The following MYO3B variants were observed in gnomAD, a reference collection of about 807,000 sequenced individuals.
MYO3B encodes myosin IIIB, also known as myosin-IIIb.
MYO3B carries 156 observed loss-of-function variants against 174.6 expected under a neutral mutation model. The observed-to-expected ratio is 0.89, with a 90% CI of 0.78 to 1.02. The LOEUF (loss-of-function observed/expected upper bound fraction) is 1.02, where lower values mean the gene tolerates loss of function less well. Among genes scored for constraint, MYO3B ranks in the 50% least tolerant of loss-of-function variants. The pLI is 0.00. For synonymous variants in MYO3B, 563 were observed against 569.1 expected, an observed-to-expected ratio of 0.99 and a Z score of 0.15; for missense variants, 1,632 against 1,639.4, an observed-to-expected ratio of 1.00 and a Z score of 0.08.
chr2:170,285,441 C>A (rs1426789690), intron 7 of MYO3B, among the ~76,000 whole-genome samples: 1 of 151,764 alleles, frequency 6.6e-6, no homozygotes, highest in Non-Finnish European at 1.5e-5. Flanking sequence ...CAATCTCGGC[C>A]CCTCTGCCTC....
At chr2:170,505,383 T>G (rs990067818) in intron 28 of MYO3B, among the ~76,000 whole-genome samples, 15 of 152,182 alleles carry the variant, frequency 9.9e-5, no homozygotes, top group Non-Finnish European at 1.9e-4. Context: ...CACATTCCTT[T>G]AAATGCCAAA....
At chr2:170,294,013 C>T (rs541082222) in intron 7 of MYO3B, among the ~76,000 whole-genome samples, 161 of 151,836 alleles carry the variant, frequency 1.1e-3, no homozygotes, top group Middle Eastern at 3.4e-3. Flanking sequence ...CTATTTACTT[C>T]TCAGAATCCT....
chr2:170,509,079 G>A (rs931403061), intron 28 of MYO3B, among the ~76,000 whole-genome samples: 2 of 152,164 alleles, frequency 1.3e-5, no homozygotes, highest in Admixed American at 6.5e-5. Context: ...ACTTCAGGCC[G>A]GGCACAGTGG....
intron 1 of MYO3B, among the ~76,000 whole-genome samples, chr2:170,186,748 G>T (rs551218288): frequency 6.6e-6 from 1 of 152,252 alleles, no homozygotes; most frequent in East Asian, 1.9e-4. Context: ...AAGCCATCAG[G>T]TTCCAGGATT....
chr2:170,642,431 G>A (rs758108149), intron 32 of MYO3B, among the ~76,000 whole-genome samples: 1 of 152,124 alleles, frequency 6.6e-6, no homozygotes, highest in Admixed American at 6.6e-5. Context: ...TGGCAAGTGG[G>A]AAAATTTGTA....
intron 8 of MYO3B, among the ~76,000 whole-genome samples, chr2:170,358,429 G>T (rs961154264): frequency 6.6e-6 from 1 of 152,160 alleles, no homozygotes; most frequent in Non-Finnish European, 1.5e-5. Context: ...TGAGGAGGTT[G>T]AGGGAGTATA....
chr2:170,391,886 G>A (rs1005729724), intron 15 of MYO3B, among the ~76,000 whole-genome samples: 5 of 151,908 alleles, frequency 3.3e-5, no homozygotes, highest in South Asian at 2.1e-4. Context: ...TGGGTGTGGC[G>A]GCTCATGCCT....
intron 32 of MYO3B, among the ~76,000 whole-genome samples, chr2:170,594,821 GCGCGCGCACACACACA>G (rs1559144437): frequency 7.7e-6 from 1 of 129,678 alleles, no homozygotes; most frequent in Non-Finnish European, 1.6e-5. Flanking sequence ...CTCTTTCCCA[GCGCGCGCACACACACA>G]CACACACACA....
At chr2:170,307,220 G>GTGACAGA (rs2093706453) in intron 7 of MYO3B, among the ~76,000 whole-genome samples, 1 of 130,962 alleles carries the variant, frequency 7.6e-6, no homozygotes, top group Non-Finnish European at 1.6e-5. Context: ...TCCAGCCTAG[G>GTGACAGA]TGACAGAGTG....
At chr2:170,400,605 A>T (rs974175192) in intron 17 of MYO3B, among the ~76,000 whole-genome samples, 1 of 149,456 alleles carries the variant, frequency 6.7e-6, no homozygotes, top group Non-Finnish European at 1.5e-5. Flanking sequence ...GGGTTTCACC[A>T]TCTTGGCCAG....
intron 28 of MYO3B, 77 bp from the exon 29 acceptor site, chr2:170,514,844 C>T: frequency 2.3e-6 from 3 of 1,321,448 alleles, no homozygotes; most frequent in African/African-American, 1.5e-5. Context: ...TCCTGGCCAA[C>T]TTGTATCACC....
At chr2:170,506,640 GTACTCTGTAT>G (rs1478113864) in intron 28 of MYO3B, among the ~76,000 whole-genome samples, 6 of 152,170 alleles carry the variant, frequency 3.9e-5, no homozygotes, top group African/African-American at 1.4e-4. Context: ...AATAAATCAA[GTACTCTGTAT>G]TTTGCCAACG....
chr2:170,262,412 CA>C (rs2093352395), intron 7 of MYO3B, among the ~76,000 whole-genome samples: 1 of 152,110 alleles, frequency 6.6e-6, no homozygotes. Flanking sequence ...GCTTTGAGAA[CA>C]GTGACAAGAA....
At chr2:170,540,313 G>A (rs1354820422) in intron 30 of MYO3B, among the ~76,000 whole-genome samples, 4 of 151,864 alleles carry the variant, frequency 2.6e-5, no homozygotes, top group Non-Finnish European at 4.4e-5. Flanking sequence ...AACAGAGTGC[G>A]ATTCTATCTC....
Position 170,218,595 on chromosome 2 carries a change from C to T in MYO3B, c.603+1200C>T, listed in dbSNP as rs116061016. On this transcript the variant is annotated intron_variant, in intron 6 of 34. Coordinates refer to ENST00000408978, the MANE Select transcript of MYO3B (RefSeq NM_138995.5). ...GGCACACCTACAACCACGTACCATGCGGCTACTCAGTTCTCCTACTACTTT... is the reference window on the plus strand; with the variant it reads ...GGCACACCTACAACCACGTACCATGTGGCTACTCAGTTCTCCTACTACTTT... 8.3e-3 allele frequency among the ~76,000 whole-genome samples: 1,264 copies of T among 152,266 alleles called. 9 individuals are homozygous for T. The highest frequency in any genetic ancestry group is 0.031 in the Middle Eastern group (9 of 294).
chr2:170,629,406 G>A (rs1696747519), intron 32 of MYO3B, among the ~76,000 whole-genome samples: 2 of 152,098 alleles, frequency 1.3e-5, no homozygotes, highest in South Asian at 2.1e-4. Context: ...TCTATAAACT[G>A]GCCAGAAGCT....
chr2:170,214,836 C>T lies in MYO3B; in HGVS notation c.526+8C>T, dbSNP rs753523705. ...TTAAGCTCGTTGACTTTGGTAATGA[C>T]TGCTTGTCGTTTGTTTTCTTGACGT... is the stretch of plus-strand genomic sequence containing the variant. On this transcript the variant is annotated splice_region_variant and intron_variant, in intron 5 of 34. Coordinates refer to ENST00000408978, the MANE Select transcript of MYO3B (RefSeq NM_138995.5). 9.3e-6 allele frequency: 15 copies of T among 1,604,988 alleles called. No homozygotes were observed. In the African/African-American group the frequency reaches 2.0e-4, roughly 21 times the overall value.
At chr2:170,457,085 G>A (rs2105941171) in intron 23 of MYO3B, among the ~76,000 whole-genome samples, 1 of 152,296 alleles carries the variant, frequency 6.6e-6, no homozygotes. Context: ...GATTAAAAAT[G>A]GCACACCTGC....
intron 19 of MYO3B, among the ~76,000 whole-genome samples, chr2:170,403,501 A>G (rs2094491625): frequency 6.6e-6 from 1 of 152,210 alleles, no homozygotes; most frequent in Non-Finnish European, 1.5e-5. Context: ...TAAATAAGAC[A>G]GAGTAAGAAA....
Sources: gnomAD v4.1 joint callset for allele counts (sites outside exome capture counted in the v4.1 genomes callset) on GRCh38, gnomAD v4.1.1 for gene constraint, MANE v1.5 for transcripts, NCBI Gene and HGNC (gene_info 2026-07-23, HGNC 2026-07-21) for gene names.